NRXN1: variants seen among roughly 807,000 people sequenced by gnomAD.
NRXN1 encodes the protein neurexin-1.
A neutral mutation model predicts 150.9 loss-of-function variants in NRXN1; 39 were observed. That is an observed-to-expected ratio of 0.26 (90% CI 0.20 to 0.34). The LOEUF (loss-of-function observed/expected upper bound fraction) is 0.34, where lower values mean the gene tolerates loss of function less well. Ranked by LOEUF, NRXN1 falls within the 10% of genes least tolerant of loss-of-function variation. The pLI is 1.00. For synonymous variants in NRXN1, 924 were observed against 757.0 expected (o/e 1.22, Z -3.62); for missense variants, 1,815 against 1,949.9 (o/e 0.93, Z 1.30).
chr2:50,959,003 T>C (rs1025597992), intron 2 of NRXN1, among the ~76,000 whole-genome samples: 1 of 152,134 alleles, frequency 6.6e-6, no homozygotes, highest in Non-Finnish European at 1.5e-5. Flanking sequence ...AAATTTTTCT[T>C]CAGAATTTTT....
intron 19 of NRXN1, among the ~76,000 whole-genome samples, chr2:50,090,760 T>C (rs1298346608): frequency 2.6e-5 from 4 of 152,294 alleles, no homozygotes; most frequent in East Asian, 3.9e-4. Flanking sequence ...TGAAACTCTA[T>C]GGTTATATGA....
intron 18 of NRXN1, among the ~76,000 whole-genome samples, chr2:50,203,482 T>C (rs1025583224): frequency 1.3e-5 from 2 of 152,196 alleles, no homozygotes; most frequent in Admixed American, 6.5e-5. Context: ...CTTTTTTATA[T>C]ACTGAGTTTT....
At chr2:50,443,442 C>A (rs1473167850) in intron 17 of NRXN1, among the ~76,000 whole-genome samples, 1 of 152,154 alleles carries the variant, frequency 6.6e-6, no homozygotes, top group Non-Finnish European at 1.5e-5. Context: ...TGTATGAGGA[C>A]AGCTAGCAGC....
At chr2:50,505,621 A>AT (rs904342737) in intron 13 of NRXN1, among the ~76,000 whole-genome samples, 35 of 152,078 alleles carry the variant, frequency 2.3e-4, no homozygotes, top group African/African-American at 7.2e-4. Flanking sequence ...TGCCCTGTAA[A>AT]TTTTTTTTAC....
At chr2:50,597,216 C>G (rs1158979096) in intron 8 of NRXN1, among the ~76,000 whole-genome samples, 3 of 152,050 alleles carry the variant, frequency 2.0e-5, no homozygotes, top group Non-Finnish European at 4.4e-5. Context: ...CTGTCTTAGG[C>G]TTTAGTTGGG....
chr2:50,903,407 C>G (rs1391879773), intron 5 of NRXN1, among the ~76,000 whole-genome samples: 1 of 152,098 alleles, frequency 6.6e-6, no homozygotes, highest in Non-Finnish European at 1.5e-5. Context: ...TGCATAATAA[C>G]TGTTTCTATT....
chr2:50,746,830 G>C (rs1700083732), intron 5 of NRXN1, among the ~76,000 whole-genome samples: 1 of 152,036 alleles, frequency 6.6e-6, no homozygotes. Context: ...AGAGTGTCTA[G>C]AAATGAGAAG....
intron 5 of NRXN1, among the ~76,000 whole-genome samples, chr2:50,740,422 G>A (rs1001745576): frequency 8.5e-5 from 13 of 152,170 alleles, no homozygotes; most frequent in African/African-American, 2.9e-4. Context: ...ATCACAGTGC[G>A]ACATAACTAA....
At position 50,913,207 on chromosome 2, in the gene NRXN1, T is replaced by TA. The variant is rs566148490; in HGVS notation, c.832+8661dup. ...TCAAACATTATCTGTTCACTGAGTT[T>TA]AGAGGAAGATTTCTGGCAGATTTTG... On this transcript the variant is annotated intron_variant, in intron 5 of 22. Transcript: ENST00000401669. Among the ~76,000 whole-genome samples the TA allele has an allele frequency of 2.9e-4, 44 of 151,950 alleles. 1 individual carries two copies. The highest frequency in any genetic ancestry group is 1.0e-3 in the African/African-American group (43 of 41,524).
chr2:50,334,034 G>A (rs1450347009), intron 17 of NRXN1, among the ~76,000 whole-genome samples: 1 of 151,650 alleles, frequency 6.6e-6, no homozygotes, highest in African/African-American at 2.4e-5. Context: ...CCTGCTCTTT[G>A]GGAGCTTTTT....
chr2:50,818,109 C>T (rs549044696), intron 5 of NRXN1, among the ~76,000 whole-genome samples: 2 of 94,332 alleles, frequency 2.1e-5, no homozygotes, highest in South Asian at 6.2e-4. Context: ...CTAAAGACTC[C>T]ATAGCAAAAA....
chr2:50,479,911 T>A (rs1047484624), intron 15 of NRXN1, among the ~76,000 whole-genome samples: 2 of 151,474 alleles, frequency 1.3e-5, no homozygotes, highest in African/African-American at 4.9e-5. Flanking sequence ...GTAGCTGGGA[T>A]TACAGGTCTA....
At chr2:50,568,093 T>C (rs1670139390) in intron 8 of NRXN1, among the ~76,000 whole-genome samples, 2 of 152,144 alleles carry the variant, frequency 1.3e-5, no homozygotes, top group Non-Finnish European at 1.5e-5. Flanking sequence ...TTCCTAACCA[T>C]ATTATAGAAA....
intron 17 of NRXN1, among the ~76,000 whole-genome samples, chr2:50,454,702 AC>A (rs2087356360): frequency 1.3e-5 from 2 of 151,394 alleles, no homozygotes; most frequent in African/African-American, 2.4e-5. Context: ...ACACACACAC[AC>A]AGTTAATTAA....
At chr2:50,377,430 T>C (rs970540508) in intron 17 of NRXN1, among the ~76,000 whole-genome samples, 9 of 152,194 alleles carry the variant, frequency 5.9e-5, no homozygotes, top group African/African-American at 1.4e-4. Context: ...CATGATCTCA[T>C]CATTCCTTTT....
At chr2:50,058,143 T>C (rs1693936451) in intron 19 of NRXN1, among the ~76,000 whole-genome samples, 1 of 152,202 alleles carries the variant, frequency 6.6e-6, no homozygotes, top group East Asian at 1.9e-4. Context: ...GTGATTGATA[T>C]AGTATGACAG....
intron 17 of NRXN1, among the ~76,000 whole-genome samples, chr2:50,265,998 AT>A (rs1312732112): frequency 0.074 from 8,077 of 109,644 alleles, 380 homozygotes; most frequent in African/African-American, 0.17. Context: ...TATTATTATT[AT>A]TTATTTTTTT....
At chr2:50,702,799 A>G (rs1304670504) in intron 5 of NRXN1, among the ~76,000 whole-genome samples, 2 of 152,128 alleles carry the variant, frequency 1.3e-5, no homozygotes, top group Non-Finnish European at 2.9e-5. Context: ...CATATAATGT[A>G]AAAAGTAATA....
At chr2:50,601,585 T>TGGGAA (rs1190596802) in intron 8 of NRXN1, among the ~76,000 whole-genome samples, 1 of 152,206 alleles carries the variant, frequency 6.6e-6, no homozygotes, top group Non-Finnish European at 1.5e-5. Context: ...AAGCGATGGA[T>TGGGAA]GGGAAGAGTG....
Sources: gnomAD v4.1 joint callset for allele counts (sites outside exome capture counted in the v4.1 genomes callset) on GRCh38, gnomAD v4.1.1 for gene constraint, MANE v1.5 for transcripts, NCBI Gene and HGNC (gene_info 2026-07-23, HGNC 2026-07-21) for gene names.